The following GAREM1 variants were observed in gnomAD, a reference collection of about 807,000 sequenced individuals.
GAREM1 encodes GRB2 associated regulator of MAPK1 subtype 1.
A neutral mutation model predicts 71.3 loss-of-function variants in GAREM1; 26 were observed. That is an observed-to-expected ratio of 0.36 (90% CI 0.27 to 0.51). The LOEUF is 0.51. Among genes scored for constraint, GAREM1 ranks in the 20% least tolerant of loss-of-function variants. The pLI is 0.95. For synonymous variants in GAREM1, 440 were observed against 433.2 expected (o/e 1.02, Z -0.20); for missense variants, 1,026 against 1,103.1 (o/e 0.93, Z 0.99).
chr18:32,420,591 T>TAA (rs1281787117), intron 1 of GAREM1, among the ~76,000 whole-genome samples: 1 of 151,926 alleles, frequency 6.6e-6, no homozygotes. Context: ...GGGAAGTTTG[T>TAA]AAAAAACGTT....
intron 3 of GAREM1, among the ~76,000 whole-genome samples, chr18:32,309,219 G>A (rs1202443031): frequency 6.7e-6 from 1 of 149,804 alleles, no homozygotes; most frequent in African/African-American, 2.5e-5. Context: ...AATACGATGG[G>A]CCTGGTTGGT....
intron 1 of GAREM1, among the ~76,000 whole-genome samples, chr18:32,420,173 C>G (rs2048506308): frequency 6.6e-6 from 1 of 152,112 alleles, no homozygotes; most frequent in African/African-American, 2.4e-5. Flanking sequence ...GTTAACTGAG[C>G]ATAATTATCA....
chr18:32,375,453 A>C (rs1479375642), intron 2 of GAREM1, among the ~76,000 whole-genome samples: 1 of 151,668 alleles, frequency 6.6e-6, no homozygotes, highest in Non-Finnish European at 1.5e-5. Context: ...TACCTTATTC[A>C]TTCAGACCAA....
At position 32,384,505 on chromosome 18, in the gene GAREM1, G is replaced by C. The variant is rs1381015867; in HGVS notation, c.262+8390C>G. On this transcript the variant is annotated intron_variant, in intron 2 of 5. Coordinates refer to ENST00000269209, the MANE Select transcript of GAREM1 (RefSeq NM_001242409.2). Reference sequence around the variant, plus strand: ...AATTCCCAAACACATGGAAAATTCGGGTAATGAACACCCATATACCTTTTA... The same window carrying C: ...AATTCCCAAACACATGGAAAATTCGCGTAATGAACACCCATATACCTTTTA... Among the ~76,000 whole-genome samples, 4 of 151,904 alleles carry C rather than the reference G, an allele frequency of 2.6e-5. No homozygotes were observed. The South Asian group carries it at 6.3e-4, about 24-fold the overall frequency.
chr18:32,345,301 T>C (rs534692834), intron 2 of GAREM1, among the ~76,000 whole-genome samples: 2 of 152,184 alleles, frequency 1.3e-5, no homozygotes, highest in Non-Finnish European at 2.9e-5. Context: ...AGGAAACCAG[T>C]ATTACCAATA....
At chr18:32,311,818 G>A (rs1208132933) in intron 2 of GAREM1, among the ~76,000 whole-genome samples, 2 of 152,242 alleles carry the variant, frequency 1.3e-5, no homozygotes, top group Admixed American at 6.5e-5. Flanking sequence ...CACCTGAGTG[G>A]AATGGGGATT....
intron 1 of GAREM1, among the ~76,000 whole-genome samples, chr18:32,422,433 A>C (rs1163804773): frequency 6.6e-6 from 1 of 152,106 alleles, no homozygotes; most frequent in African/African-American, 2.4e-5. Context: ...AACTGCAGTG[A>C]CATTTCGTAT....
chr18:32,311,823 G>A (rs1292342196), intron 2 of GAREM1, among the ~76,000 whole-genome samples: 1 of 152,248 alleles, frequency 6.6e-6, no homozygotes, highest in East Asian at 1.9e-4. Context: ...GAGTGGAATG[G>A]GGATTTGAGC....
intron 1 of GAREM1, among the ~76,000 whole-genome samples, chr18:32,422,994 C>T (rs760379986): frequency 6.6e-6 from 1 of 152,174 alleles, no homozygotes; most frequent in Admixed American, 6.6e-5. Flanking sequence ...AAAACTAAAT[C>T]GCCTATTCTA....
intron 1 of GAREM1, among the ~76,000 whole-genome samples, chr18:32,438,135 C>G (rs1568011435): frequency 6.6e-6 from 1 of 152,196 alleles, no homozygotes; most frequent in Admixed American, 6.5e-5. Flanking sequence ...TGGAAAGGAA[C>G]AAACTTCAGC....
chr18:32,469,600 T>C (rs1209355253), intron 1 of GAREM1, among the ~76,000 whole-genome samples: 1 of 152,232 alleles, frequency 6.6e-6, no homozygotes, highest in Non-Finnish European at 1.5e-5. Context: ...TGGGTGGGTT[T>C]CTGGTGGTCA....
chr18:32,454,214 C>T lies in GAREM1; in HGVS notation c.121+16094G>A, dbSNP rs561273416. Among the ~76,000 whole-genome samples, 7 of 152,122 alleles carry T rather than the reference C, an allele frequency of 4.6e-5. No individual in the cohort carries two copies. The East Asian group carries it at 1.4e-3, about 30-fold the overall frequency. ...AAAAAGTCCTTGTTTCTTATGTTTG[C>T]TTTACACATTGAATTACTGGACCCA... On this transcript the variant is annotated intron_variant, in intron 1 of 5. Coordinates refer to ENST00000269209, the MANE Select transcript of GAREM1 (RefSeq NM_001242409.2).
chr18:32,309,615 C>CAAAAAAAAAAAAAAAA (rs11370938), intron 3 of GAREM1, among the ~76,000 whole-genome samples: 1 of 13,862 alleles, frequency 7.2e-5, no homozygotes, highest in Non-Finnish European at 1.3e-4. Context: ...GACTCAGTCT[C>CAAAAAAAAAAAAAAAA]AAAAAAAAAA....
In GAREM1 at chr18:32,349,986, T is replaced by C. The variant is rs139684840; in HGVS notation, c.263-39663A>G. ...ATGACAACTCTGGCAGGGCTCCAAG[T>C]GTCTGAAGCAGAACGAAGTCTTGTT... On this transcript the variant is annotated intron_variant, in intron 2 of 5. Transcript: ENST00000269209. Among the ~76,000 whole-genome samples, 116 of 152,324 alleles carry C rather than the reference T, an allele frequency of 7.6e-4. 1 individual carries two copies. In the East Asian group the frequency reaches 0.018, roughly 24 times the overall value.
At chr18:32,446,835 A>G (rs946787890) in intron 1 of GAREM1, among the ~76,000 whole-genome samples, 2 of 152,238 alleles carry the variant, frequency 1.3e-5, no homozygotes, top group African/African-American at 4.8e-5. Flanking sequence ...TGGGGATTAA[A>G]ACTTCAAGAC....
At position 32,470,677 on chromosome 18, in the gene GAREM1, G is replaced by C. The variant is rs2049046054; in HGVS notation, c.-249C>G. Among the ~76,000 whole-genome samples the C allele has an allele frequency of 6.7e-6, 1 of 149,604 alleles. No individual in the cohort carries two copies. The highest frequency in any genetic ancestry group is 1.5e-5 in the Non-Finnish European group (1 of 67,230). On this transcript the variant is annotated 5_prime_UTR_variant, in exon 1 of 6. Transcript: ENST00000269209. The surrounding 1 kb of genome is among the most constrained non-coding windows in gnomAD (Gnocchi z 4.4). ...TGCCCTCACGCCCGGAGAAGACTCAGAGCAGCCGCGCGGCTGCGGGCGGCG... is the reference window on the plus strand; with the variant it reads ...TGCCCTCACGCCCGGAGAAGACTCACAGCAGCCGCGCGGCTGCGGGCGGCG...
intron 1 of GAREM1, among the ~76,000 whole-genome samples, chr18:32,424,409 T>C (rs867467236): frequency 1.3e-5 from 2 of 152,342 alleles, no homozygotes; most frequent in South Asian, 4.1e-4. Flanking sequence ...CCATAGTTAC[T>C]TATGATGATA....
At chr18:32,346,442 T>C (rs2047697465) in intron 2 of GAREM1, among the ~76,000 whole-genome samples, 1 of 152,222 alleles carries the variant, frequency 6.6e-6, no homozygotes, top group Non-Finnish European at 1.5e-5. Context: ...AAATGTTTCA[T>C]CAATATAAAG....
In GAREM1 at chr18:32,382,254, T is replaced by C. The variant is rs147821277; in HGVS notation, c.262+10641A>G. 8.4e-4 allele frequency among the ~76,000 whole-genome samples: 127 copies of C among 152,076 alleles called. 1 individual carries two copies. The highest frequency in any genetic ancestry group is 2.5e-3 in the African/African-American group (103 of 41,496). On this transcript the variant is annotated intron_variant, in intron 2 of 5. Coordinates refer to ENST00000269209, the MANE Select transcript of GAREM1 (RefSeq NM_001242409.2). Reference sequence around the variant, plus strand: ...CAAGACAAACAGTCATGGGTGCAAATTGTTACAGGGATTCTGAAGGGGAAG... The same window carrying C: ...CAAGACAAACAGTCATGGGTGCAAACTGTTACAGGGATTCTGAAGGGGAAG...
Sources: gnomAD v4.1 joint callset for allele counts (sites outside exome capture counted in the v4.1 genomes callset) on GRCh38, gnomAD v4.1.1 for gene constraint, Gnocchi (gnomAD v3.1) non-coding constraint, MANE v1.5 for transcripts, NCBI Gene and HGNC (gene_info 2026-07-23, HGNC 2026-07-21) for gene names.